ALAS2: variants seen among roughly 807,000 people sequenced by gnomAD.
ALAS2 encodes the protein 5-aminolevulinate synthase, erythroid-specific, mitochondrial.
ALAS2 carries 3 observed loss-of-function variants against 33.7 expected under a neutral mutation model. The ratio of observed to expected loss-of-function variants is 0.09; its 90% CI spans 0.04 to 0.23. The LOEUF (loss-of-function observed/expected upper bound fraction) is 0.23, where lower values mean the gene tolerates loss of function less well. Among genes scored for constraint, ALAS2 ranks in the 10% least tolerant of loss-of-function variants. The pLI, the probability that ALAS2 is intolerant of heterozygous loss-of-function variation, is 1.00. For synonymous variants in ALAS2, 191 were observed against 177.3 expected (o/e 1.08, Z -0.61); for missense variants, 304 against 475.1 (o/e 0.64, Z 3.35).
chrX:55,014,710 T>C, intron 9 of ALAS2, 37 bp downstream of exon 9: 2 of 1,117,746 alleles, frequency 1.8e-6, no homozygotes, highest in East Asian at 3.1e-5. Flanking sequence ...CCAGAATAAA[T>C]AGGTGGAGAG....
In ALAS2 at chrX:55,009,195, G is replaced by T; in HGVS notation, c.1749C>A (p.Val583=). The T allele has an allele frequency of 8.3e-7, 1 of 1,208,302 alleles. No homozygotes were observed. Among genetic ancestry groups the T allele is most frequent in the South Asian group, 1.8e-5 (1 of 56,037 alleles). Residue 583 remains valine, a synonymous_variant, in exon 11 of 11, where the codon GTC becomes GTA. Transcript: ENST00000650242. The part of the protein sequence containing the change: ...SYFGNMGPQY[V]TTYA ...AGCTGGCTTCTCAGGCATAGGTGGT[G>T]ACATACTGGGGCCCCATGTTCCCGA...
chrX:55,017,172 G>C (rs1355311319), intron 7 of ALAS2, among the ~76,000 whole-genome samples: 3 of 111,913 alleles, frequency 2.7e-5, no homozygotes, highest in Admixed American at 9.5e-5. Flanking sequence ...CTGAACTTTA[G>C]TTTCTTTACC....
chrX:55,015,893 A>C, intron 7 of ALAS2, 151 bp from the exon 8 acceptor site: 1 of 594,825 alleles, frequency 1.7e-6, no homozygotes. Flanking sequence ...AACTATTACA[A>C]ACCTCTGTGT....
intron 8 of ALAS2, 76 bp from the exon 9 acceptor site, chrX:55,015,091 C>A: frequency 9.1e-7 from 1 of 1,095,367 alleles, no homozygotes; most frequent in East Asian, 3.1e-5. Flanking sequence ...TGCCAGATAA[C>A]ACAAGGGGGT....
chrX:55,022,533 G>A (rs1309752633), intron 4 of ALAS2, among the ~76,000 whole-genome samples: 2 of 111,654 alleles, frequency 1.8e-5, no homozygotes, highest in Non-Finnish European at 3.8e-5. Context: ...ATAATATCAA[G>A]GGCTGGTAAG....
chrX:55,010,770 A>G (rs1216319902), intron 10 of ALAS2, among the ~76,000 whole-genome samples: 1 of 111,328 alleles, frequency 9.0e-6, no homozygotes, highest in Non-Finnish European at 1.9e-5. Context: ...ACTTAGAACT[A>G]ATGTGCTACT....
chrX:55,009,321 A>G lies in ALAS2; in HGVS notation c.1623T>C (p.Thr541=), dbSNP rs752651302. The change falls in exon 11 of 11, where the codon ACT becomes ACC. Residue 541 remains threonine (T), a synonymous_variant. Transcript: ENST00000650242. The part of the protein sequence containing the change: ...DFVEKLLLAW[T]AVGLPLQDVS... ...CATCCTGGAGGGGCAGCCCCACCGC[A>G]GTCCAAGCCAGCAGCAGCTTCTCTG... The G allele has an allele frequency of 7.5e-5, 90 of 1,200,801 alleles. No homozygotes were observed. The highest frequency in any genetic ancestry group is 9.9e-5 in the Non-Finnish European group (88 of 890,823).
In ALAS2 at chrX:55,009,186, A is replaced by G; in HGVS notation, c.1758T>C (p.Tyr586=). The G allele has an allele frequency of 8.3e-7, 1 of 1,208,047 alleles. No individual in the cohort carries two copies. The highest frequency in any genetic ancestry group is 1.1e-6 in the Non-Finnish European group (1 of 893,822). The part of the protein sequence containing the change: ...GNMGPQYVTT[Y]A ...ATCCTAGGCAGCTGGCTTCTCAGGC[A>G]TAGGTGGTGACATACTGGGGCCCCA... The change falls in exon 11 of 11, where the codon TAT becomes TAC. Residue 586 remains tyrosine (Y), a synonymous_variant. Transcript: ENST00000650242.
intron 4 of ALAS2, among the ~76,000 whole-genome samples, chrX:55,021,880 G>T (rs1260479974): frequency 2.7e-5 from 3 of 112,138 alleles, no homozygotes; most frequent in Admixed American, 9.4e-5. Flanking sequence ...AACATTTAAT[G>T]AATGCCTAGT....
chrX:55,020,250 T>C (rs1382337111), intron 6 of ALAS2, 70 bp downstream of exon 6: 1 of 1,059,712 alleles, frequency 9.4e-7, no homozygotes, highest in East Asian at 3.2e-5. Context: ...GAAGGAGTGA[T>C]GGAACCAGTG....
chrX:55,016,541 T>A (rs1457093665), intron 7 of ALAS2, among the ~76,000 whole-genome samples: 1 of 111,861 alleles, frequency 8.9e-6, no homozygotes, highest in Non-Finnish European at 1.9e-5. Context: ...AGAGCCTGTG[T>A]GTATAGTCAT....
intron 7 of ALAS2, 131 bp downstream of exon 7, chrX:55,017,355 T>C (rs2089104629): frequency 3.3e-6 from 2 of 600,713 alleles, no homozygotes; most frequent in East Asian, 3.4e-5. Flanking sequence ...AAAATACTAA[T>C]AATTTTGCTT....
At chrX:55,012,988 T>C (rs988583114) in intron 10 of ALAS2, among the ~76,000 whole-genome samples, 8 of 111,726 alleles carry the variant, frequency 7.2e-5, no homozygotes, top group Non-Finnish European at 1.3e-4. Flanking sequence ...CCCCACTCCA[T>C]TCCTATGACC....
intron 4 of ALAS2, among the ~76,000 whole-genome samples, chrX:55,022,279 T>C (rs1422409969): frequency 2.7e-5 from 3 of 111,958 alleles, no homozygotes; most frequent in Non-Finnish European, 5.6e-5. Context: ...TCAAAAGTTT[T>C]TTAAATGCAC....
At position 55,026,139 on chromosome X, in the gene ALAS2, C is replaced by T; in HGVS notation, c.-15-124G>A. ...CCTCCGAGATGCTCTTATTGCCCTT[C>T]CAGGGAAAGAACTTCTTTCCCAATG... On this transcript the variant is annotated intron_variant, in intron 1 of 10. Coordinates refer to ENST00000650242, the MANE Select transcript of ALAS2 (RefSeq NM_000032.5). 5.2e-6 allele frequency: 3 copies of T among 578,615 alleles called. No homozygotes were observed. In the South Asian group the frequency reaches 8.2e-5, roughly 16 times the overall value. The allele number at this position is 578,615 out of a possible 1,213,427, so 47.7% of individuals were successfully genotyped here. A position where few individuals can be genotyped will look rare whatever the true frequency, so the allele number is the denominator to read the frequency against.
At chrX:55,027,028 A>G (rs1935904246) in intron 1 of ALAS2, among the ~76,000 whole-genome samples, 1 of 110,396 alleles carries the variant, frequency 9.1e-6, no homozygotes. Context: ...GAAAGGGAGC[A>G]GGGTAGAGAT....
At chrX:55,015,953 GTCTC>G (rs931139027) in intron 7 of ALAS2, among the ~76,000 whole-genome samples, 2 of 84,014 alleles carry the variant, frequency 2.4e-5, no homozygotes, top group South Asian at 6.4e-4. Context: ...CTCTCTCTCT[GTCTC>G]TCTGTGTGTG....
chrX:55,022,756 A>G (rs778964211), intron 4 of ALAS2, among the ~76,000 whole-genome samples: 39 of 111,821 alleles, frequency 3.5e-4, no homozygotes, highest in South Asian at 2.6e-3. Flanking sequence ...AAAAAATTGG[A>G]AGCAACCAAA....
In ALAS2 at chrX:55,013,664, A is replaced by T; in HGVS notation, c.1438-16T>A. 8.3e-7 allele frequency: 1 copy of T among 1,209,959 alleles called. No individual in the cohort carries two copies. Among genetic ancestry groups the T allele is most frequent in the Non-Finnish European group, 1.1e-6 (1 of 894,505 alleles). On this transcript the variant is annotated splice_polypyrimidine_tract_variant and intron_variant, in intron 9 of 10. Transcript: ENST00000650242. ...CATTGCCCACCTGGACTCAGGAGAA[A>T]GGCTAATCAGTACCTGCCACTCTGG...
Sources: allele counts gnomAD v4.1 joint callset (sites outside exome capture counted in the v4.1 genomes callset), GRCh38; gene constraint gnomAD v4.1.1; transcripts MANE v1.5; gene names NCBI Gene and HGNC (gene_info 2026-07-23, HGNC 2026-07-21).